ITK: variants seen among roughly 807,000 people sequenced by gnomAD.
ITK encodes the protein IL2 inducible T cell kinase, also known as tyrosine-protein kinase ITK/TSK.
A neutral mutation model predicts 87.6 loss-of-function variants in ITK; 45 were observed. The observed-to-expected ratio is 0.51, with a 90% CI of 0.40 to 0.66. ITK has a LOEUF of 0.66. Among genes scored for constraint, ITK ranks in the 30% least tolerant of loss-of-function variants. The probability of loss-of-function intolerance (pLI) is 0.00; values close to 1 mark genes in which losing one functional copy is unlikely to be tolerated. For synonymous variants in ITK, 303 were observed against 273.6 expected, an observed-to-expected ratio of 1.11 and a Z score of -1.06; for missense variants, 605 against 766.3, an observed-to-expected ratio of 0.79 and a Z score of 2.48.
intron 1 of ITK, among the ~76,000 whole-genome samples, chr5:157,192,798 C>A (rs541908253): frequency 6.6e-6 from 1 of 152,246 alleles, no homozygotes; most frequent in Non-Finnish European, 1.5e-5. Context: ...TGTGACCCTT[C>A]CCCCTGGGAT....
chr5:157,213,403 G>A (rs1754232341), intron 3 of ITK, among the ~76,000 whole-genome samples: 1 of 152,092 alleles, frequency 6.6e-6, no homozygotes, highest in African/African-American at 2.4e-5. Context: ...TATCAGACAG[G>A]GTCTCACTCT....
rs145897304 is a variant in ITK, at chr5:157,218,326, G to A, written c.495+419G>A. Among the ~76,000 whole-genome samples, 18 of 152,050 alleles carry A rather than the reference G, an allele frequency of 1.2e-4. No homozygotes were observed. In the East Asian group the frequency reaches 3.1e-3, roughly 26 times the overall value. ...TCGAGACCAGCCTGGACAACAAAGT[G>A]AGACCCCCATCTCTAGAAAAAATTT... On this transcript the variant is annotated intron_variant, in intron 5 of 16. Coordinates refer to ENST00000422843, the MANE Select transcript of ITK (RefSeq NM_005546.4).
intron 8 of ITK, among the ~76,000 whole-genome samples, chr5:157,234,816 G>A (rs1368126070): frequency 1.3e-5 from 2 of 152,104 alleles, no homozygotes; most frequent in African/African-American, 4.8e-5. Flanking sequence ...GATAGGATTA[G>A]GAGAAATACC....
intron 12 of ITK, 37 bp from the exon 13 acceptor site, chr5:157,244,225 A>G: frequency 6.5e-7 from 1 of 1,538,134 alleles, no homozygotes; most frequent in Non-Finnish European, 9.0e-7. Flanking sequence ...TGGGAGACTG[A>G]GTTTAGGCCA....
chr5:157,248,908 C>T lies in ITK; in HGVS notation c.1692C>T (p.Asn564=). The change falls in exon 16 of 17, where the codon AAC becomes AAT. Residue 564 remains asparagine (N), a synonymous_variant. Transcript: ENST00000422843. ...AAATCCCGTATGAAAACCGAAGCAA[C>T]TCAGAGGTGGTGGAAGACATCAGTA... ...EGKIPYENRS[N]SEVVEDISTG... 2 of 1,613,936 alleles carry T rather than the reference C, an allele frequency of 1.2e-6. No individual in the cohort carries two copies. Among genetic ancestry groups the T allele is most frequent in the Non-Finnish European group, 8.5e-7 (1 of 1,179,870 alleles).
chr5:157,232,475 GGC>G, intron 8 of ITK, 81 bp downstream of exon 8: 1 of 986,244 alleles, frequency 1.0e-6, no homozygotes, highest in South Asian at 1.4e-5. Flanking sequence ...CCAGCGATTT[GGC>G]AGGCCAAGGT....
intron 1 of ITK, among the ~76,000 whole-genome samples, chr5:157,192,077 T>C (rs1348808003): frequency 6.6e-6 from 1 of 152,192 alleles, no homozygotes; most frequent in Non-Finnish European, 1.5e-5. Flanking sequence ...CAAAAGAATC[T>C]CACTGTTGTG....
Position 157,252,644 on chromosome 5 carries a change from G to A in ITK, c.1829G>A (p.Arg610His), listed in dbSNP as rs138438785. ...EDRPAFSRLL[R>H]QLAEIAESGL ...CGGCCAGCCTTCTCCAGACTGCTGC[G>A]TCAACTGGCTGAAATTGCAGAATCA... is the stretch of plus-strand genomic sequence containing the variant. Residue 610 changes from arginine (R) to histidine (H), a missense_variant, in exon 17 of 17, where the codon CGT becomes CAT. Arg to His is a conservative substitution (Grantham distance 29). Around this residue, in one of 3 missense-constraint regions of ITK, gnomAD observed 71 missense variants for 65.8 expected, o/e 1.08. Coordinates refer to ENST00000422843, the MANE Select transcript of ITK (RefSeq NM_005546.4). The A allele has an allele frequency of 1.4e-4, 223 of 1,614,080 alleles. No individual in the cohort carries two copies. The highest frequency in any genetic ancestry group is 1.7e-4 in the Non-Finnish European group (206 of 1,179,944).
At chr5:157,224,553 G>C (rs1177682302) in intron 6 of ITK, among the ~76,000 whole-genome samples, 2 of 152,114 alleles carry the variant, frequency 1.3e-5, no homozygotes, top group African/African-American at 4.8e-5. Context: ...GCCAAGGTGG[G>C]CTGATCACCT....
intron 1 of ITK, among the ~76,000 whole-genome samples, chr5:157,202,681 T>C (rs1754000713): frequency 6.6e-6 from 1 of 152,226 alleles, no homozygotes; most frequent in Admixed American, 6.5e-5. Flanking sequence ...GGTCAAATGG[T>C]AATTCTGTTT....
At chr5:157,213,456 C>T (rs1754233307) in intron 3 of ITK, 2 of 383,474 alleles carry the variant, frequency 5.2e-6, no homozygotes, top group Admixed American at 6.7e-5. Flanking sequence ...TGGCTCACTG[C>T]AGCCTCGACC....
chr5:157,194,024 C>T (rs781684650), intron 1 of ITK, among the ~76,000 whole-genome samples: 6 of 152,060 alleles, frequency 3.9e-5, no homozygotes, highest in African/African-American at 4.8e-5. Flanking sequence ...GCTACGAGGA[C>T]GGTAAGTAAT....
intron 6 of ITK, chr5:157,224,322 G>A (rs1464526288): frequency 1.3e-5 from 2 of 149,704 alleles, no homozygotes; most frequent in East Asian, 3.9e-4. Context: ...ATACCTTCTT[G>A]TGTATCATAA....
intron 5 of ITK, among the ~76,000 whole-genome samples, chr5:157,218,518 A>AAG (rs1754346779): frequency 6.7e-6 from 1 of 148,518 alleles, no homozygotes; most frequent in African/African-American, 2.5e-5. Flanking sequence ...CCAGAAAAAA[A>AAG]AAAAAAAAAA....
At position 157,254,455 on chromosome 5, in the gene ITK, C is replaced by A. The variant is rs1415328767; in HGVS notation, c.*1777C>A. ...CTTTAATTATCATTCCAACTTTCAG[C>A]TGTAGTCTTCTTGAACACTTCATGA... On this transcript the variant is annotated 3_prime_UTR_variant, in exon 17 of 17. Transcript: ENST00000422843. 3 of 221,174 alleles carry A rather than the reference C, an allele frequency of 1.4e-5. No individual in the cohort carries two copies. Among genetic ancestry groups the A allele is most frequent in the Admixed American group, 5.7e-5 (1 of 17,420 alleles). The allele number at this position is 221,174 out of a possible 1,614,324, so 13.7% of individuals were successfully genotyped here. A position where few individuals can be genotyped will look rare whatever the true frequency, so the allele number is the denominator to read the frequency against.
chr5:157,244,209 C>A, intron 12 of ITK, 53 bp from the exon 13 acceptor site: 1 of 1,427,870 alleles, frequency 7.0e-7, no homozygotes, highest in Non-Finnish European at 9.9e-7. Context: ...ATATTTTCGG[C>A]ATTTTTGGGA....
chr5:157,230,643 T>C (rs1050660575), intron 7 of ITK, among the ~76,000 whole-genome samples: 5 of 152,206 alleles, frequency 3.3e-5, no homozygotes, highest in Middle Eastern at 3.2e-3. Context: ...TAAAAAATCT[T>C]TATAGGCAAT....
intron 6 of ITK, among the ~76,000 whole-genome samples, chr5:157,224,917 T>C (rs1233879324): frequency 6.6e-6 from 1 of 151,952 alleles, no homozygotes; most frequent in Non-Finnish European, 1.5e-5. Flanking sequence ...AAGGCTTTAA[T>C]GAAGATCTTG....
intron 1 of ITK, among the ~76,000 whole-genome samples, chr5:157,186,548 T>A (rs1753646662): frequency 6.6e-6 from 1 of 152,136 alleles, no homozygotes; most frequent in African/African-American, 2.4e-5. Context: ...TGGTGGCAGA[T>A]GCCTGTAATC....
Sources: allele counts gnomAD v4.1 joint callset (sites outside exome capture counted in the v4.1 genomes callset), GRCh38; gene constraint gnomAD v4.1.1; regional missense constraint gnomAD v4.1.1; transcripts MANE v1.5; gene names NCBI Gene and HGNC (gene_info 2026-07-23, HGNC 2026-07-21).